Variants in AQR observed in about 807,000 individuals in gnomAD.
The protein encoded by AQR is aquarius intron-binding spliceosomal factor.
Under a neutral mutation model 180.5 loss-of-function variants are expected in AQR, and 61 were observed. That is an observed-to-expected ratio of 0.34 (90% CI 0.28 to 0.42). The LOEUF (loss-of-function observed/expected upper bound fraction) is 0.42, where lower values mean the gene tolerates loss of function less well. AQR is among the 10% of genes least tolerant of loss of function. The pLI is 1.00. For synonymous variants in AQR, 551 were observed against 588.8 expected (o/e 0.94, Z 0.93); for missense variants, 1,281 against 1,798.3 (o/e 0.71, Z 5.20).
chr15:34,909,120 CTTT>C (rs1287442072), intron 17 of AQR, among the ~76,000 whole-genome samples: 1 of 152,158 alleles, frequency 6.6e-6, no homozygotes, highest in African/African-American at 2.4e-5. Context: ...CTTCAGAATT[CTTT>C]GATATAGTTC....
Position 34,918,296 on chromosome 15 carries a change from T to A in AQR, c.1304A>T (p.Asp435Val). The A allele has an allele frequency of 6.2e-7, 1 of 1,613,822 alleles. No individual in the cohort carries two copies. The highest frequency in any genetic ancestry group is 8.5e-7 in the Non-Finnish European group (1 of 1,179,840). ...PLYPTEKIIWDENIVPTEYYS... is the reference protein window; with the variant it reads ...PLYPTEKIIWVENIVPTEYYS... ...GTACTCAGTTGGGACAATATTTTCA[T>A]CCCATATAATTTTCTCAGTTGGATA... The change falls in exon 15 of 35, where the codon GAT becomes GTT. Residue 435 changes from aspartate (D) to valine (V), a missense_variant. By Grantham distance (152) the Asp-to-Val change is radical. Coordinates refer to ENST00000156471, the MANE Select transcript of AQR (RefSeq NM_014691.3).
In AQR at chr15:34,969,503, T is replaced by C. The variant is rs762544669; in HGVS notation, c.75+36A>G. On this transcript the variant is annotated intron_variant, in intron 1 of 34. Coordinates refer to ENST00000156471, the MANE Select transcript of AQR (RefSeq NM_014691.3). ...CCAGGCCTCGGGGCCACGACGTCCATACCCACTCACACACACCAGACTCGC... is the reference window on the plus strand; with the variant it reads ...CCAGGCCTCGGGGCCACGACGTCCACACCCACTCACACACACCAGACTCGC... The C allele has an allele frequency of 9.9e-6, 16 of 1,611,458 alleles. No individual in the cohort carries two copies. The South Asian group carries it at 1.5e-4, about 15-fold the overall frequency.
At chr15:34,946,577 GT>G (rs1474037253) in intron 5 of AQR, among the ~76,000 whole-genome samples, 13 of 147,738 alleles carry the variant, frequency 8.8e-5, no homozygotes, top group African/African-American at 3.3e-4. Flanking sequence ...CGGGAGGGAG[GT>G]GGGGGGGGTC....
At chr15:34,961,439 G>A (rs1285260459) in intron 2 of AQR, among the ~76,000 whole-genome samples, 1 of 151,806 alleles carries the variant, frequency 6.6e-6, no homozygotes, top group Non-Finnish European at 1.5e-5. Context: ...GTGAAACCCT[G>A]TCTCTACTAA....
At chr15:34,862,637 A>T (rs1441408934) in intron 33 of AQR, among the ~76,000 whole-genome samples, 1 of 152,106 alleles carries the variant, frequency 6.6e-6, no homozygotes, top group Non-Finnish European at 1.5e-5. Flanking sequence ...GGCTCAAGCA[A>T]TCCTCCTACC....
chr15:34,946,946 C>T, intron 5 of AQR, among the ~76,000 whole-genome samples: 1 of 151,726 alleles, frequency 6.6e-6, no homozygotes, highest in Non-Finnish European at 1.5e-5. Flanking sequence ...GGCGCCTCTG[C>T]CCGGCCGCGC....
At chr15:34,953,046 A>C in intron 3 of AQR, 126 bp from the exon 4 acceptor site, 2 of 553,192 alleles carry the variant, frequency 3.6e-6, no homozygotes, top group Admixed American at 4.0e-5. Context: ...TCATAATATC[A>C]GATCACAACT....
At chr15:34,901,890 A>C (rs112471553) in intron 19 of AQR, among the ~76,000 whole-genome samples, 7 of 152,254 alleles carry the variant, frequency 4.6e-5, no homozygotes, top group Non-Finnish European at 8.8e-5. Context: ...AAATGAGTAT[A>C]TTCACCTAAC....
At chr15:34,857,858 C>T (rs964587786) in intron 34 of AQR, among the ~76,000 whole-genome samples, 10 of 152,170 alleles carry the variant, frequency 6.6e-5, no homozygotes, top group Admixed American at 3.9e-4. Context: ...GGTTTCTGTT[C>T]CGTTCAACCA....
At chr15:34,908,312 C>G (rs1353722396) in intron 17 of AQR, among the ~76,000 whole-genome samples, 1 of 151,984 alleles carries the variant, frequency 6.6e-6, no homozygotes, top group Non-Finnish European at 1.5e-5. Context: ...TGGCGGGTGC[C>G]TGTAATCCCA....
intron 30 of AQR, among the ~76,000 whole-genome samples, chr15:34,871,422 G>A (rs1270028799): frequency 6.6e-6 from 1 of 150,814 alleles, no homozygotes; most frequent in Non-Finnish European, 1.5e-5. Context: ...TGGGGGGATC[G>A]CTTAAGCTTG....
chr15:34,939,297 G>C (rs1893989869), intron 8 of AQR, among the ~76,000 whole-genome samples: 1 of 152,112 alleles, frequency 6.6e-6, no homozygotes, highest in African/African-American at 2.4e-5. Context: ...TTGAACTCCT[G>C]ACCTTGTGGT....
chr15:34,916,685 G>A (rs1893594551), intron 15 of AQR, among the ~76,000 whole-genome samples: 1 of 151,836 alleles, frequency 6.6e-6, no homozygotes, highest in African/African-American at 2.4e-5. Context: ...TGTGCCTCCT[G>A]ATGAAAGAAC....
chr15:34,959,483 G>C (rs992939864), intron 3 of AQR, among the ~76,000 whole-genome samples: 1 of 151,884 alleles, frequency 6.6e-6, no homozygotes, highest in African/African-American at 2.4e-5. Context: ...AATCTCTTTT[G>C]AGCTATACAC....
intron 20 of AQR, among the ~76,000 whole-genome samples, chr15:34,899,024 G>T (rs1303331985): frequency 6.9e-6 from 1 of 145,638 alleles, no homozygotes; most frequent in African/African-American, 2.5e-5. Flanking sequence ...AAAAAAAATT[G>T]CCAGGCGTGG....
intron 12 of AQR, among the ~76,000 whole-genome samples, chr15:34,928,163 C>T (rs117085672): frequency 0.018 from 2,791 of 152,144 alleles, 74 homozygotes; most frequent in Middle Eastern, 0.02. Flanking sequence ...GGTGTCTCCA[C>T]ATACCTAGTA....
chr15:34,862,324 A>G (rs1874474547), intron 33 of AQR, among the ~76,000 whole-genome samples: 1 of 152,184 alleles, frequency 6.6e-6, no homozygotes, highest in African/African-American at 2.4e-5. Context: ...CTGGGATGTT[A>G]TTCGAAAAGA....
rs777010010 is a variant in AQR at position 34,906,673 on chromosome 15, C to A, written c.1703G>T (p.Arg568Leu). Residue 568 changes from arginine (R) to leucine (L), a missense_variant, in exon 18 of 35, where the codon CGT (arginine) becomes CTT (leucine). This residue lies in a region of AQR where 200 missense variants were observed against 293.4 expected (regional missense o/e 0.68). Transcript: ENST00000156471. ...CTTAGTGCCATAAGGTTTTGTGGGACGTACGGTAATTAAAAAGCATACATC... is the reference window on the plus strand; with the variant it reads ...CTTAGTGCCATAAGGTTTTGTGGGAAGTACGGTAATTAAAAAGCATACATC... ...KHDVCFLITV[R>L]PTKPYGTKFD... is the part of the protein sequence containing the mutation. The A allele has an allele frequency of 6.2e-7, 1 of 1,613,854 alleles. No individual in the cohort carries two copies. Among genetic ancestry groups the A allele is most frequent in the Non-Finnish European group, 8.5e-7 (1 of 1,179,916 alleles).
chr15:34,858,824 G>A (rs147569536), intron 34 of AQR, among the ~76,000 whole-genome samples: 2 of 152,092 alleles, frequency 1.3e-5, no homozygotes, highest in Non-Finnish European at 2.9e-5. Flanking sequence ...TGACAAGCAA[G>A]TCAACAAAGA....
Sources: gnomAD v4.1 joint callset for allele counts (sites outside exome capture counted in the v4.1 genomes callset) on GRCh38, gnomAD v4.1.1 for gene constraint, gnomAD v4.1.1 regional missense constraint, MANE v1.5 for transcripts, NCBI Gene and HGNC (gene_info 2026-07-23, HGNC 2026-07-21) for gene names.